Variants in SEMA6D observed in about 807,000 individuals in gnomAD.
SEMA6D encodes the protein semaphorin 6D.
Under a neutral mutation model 106.6 loss-of-function variants are expected in SEMA6D, and 35 were observed. The ratio of observed to expected loss-of-function variants is 0.33; its 90% CI spans 0.25 to 0.44. The LOEUF is 0.44. Ranked by LOEUF, SEMA6D falls within the 20% of genes least tolerant of loss-of-function variation. The probability of loss-of-function intolerance (pLI) is 1.00; values close to 1 mark genes in which losing one functional copy is unlikely to be tolerated. For synonymous variants in SEMA6D, 499 were observed against 487.7 expected, an observed-to-expected ratio of 1.02 and a Z score of -0.31; for missense variants, 1,185 against 1,345.9, an observed-to-expected ratio of 0.88 and a Z score of 1.87.
At chr15:47,603,188 A>G (rs1034000400) in intron 4 of SEMA6D, among the ~76,000 whole-genome samples, 2 of 152,060 alleles carry the variant, frequency 1.3e-5, no homozygotes, top group Non-Finnish European at 2.9e-5. Flanking sequence ...AGAATTTGCA[A>G]TCTGATGTCA....
intron 1 of SEMA6D, among the ~76,000 whole-genome samples, chr15:47,316,021 A>G (rs1489622421): frequency 1.5e-5 from 2 of 137,854 alleles, no homozygotes; most frequent in South Asian, 2.3e-4. Context: ...ACTCTTTTGG[A>G]TTTTCTACAT....
chr15:47,747,743 A>C (rs1318176411), intron 1 of SEMA6D, among the ~76,000 whole-genome samples: 1 of 152,146 alleles, frequency 6.6e-6, no homozygotes, highest in Non-Finnish European at 1.5e-5. Flanking sequence ...GTAAGATCAG[A>C]TCTTACAAAT....
chr15:47,607,985 G>A (rs944254623), intron 4 of SEMA6D, among the ~76,000 whole-genome samples: 22 of 152,148 alleles, frequency 1.4e-4, no homozygotes, highest in African/African-American at 5.3e-4. Flanking sequence ...TGCACTGTCT[G>A]TTATAACTGT....
rs71432251 is a variant in SEMA6D, at chr15:47,772,357, C to CGTGT, written c.*603_*606dup. 6,542 of 141,566 alleles carry CGTGT rather than the reference C, an allele frequency of 0.046. 216 individuals are homozygous for CGTGT. Among genetic ancestry groups the CGTGT allele is most frequent in the East Asian group, 0.077 (371 of 4,818 alleles). 8.8% of individuals were successfully genotyped at this position (141,566 alleles called of 1,614,324 possible). On this transcript the variant is annotated 3_prime_UTR_variant, in exon 19 of 19. Coordinates refer to ENST00000536845, the MANE Select transcript of SEMA6D (RefSeq NM_001358351.3). ...CACCAACAAACTTGTTGTGTGTGTGCGTGTGTGTGTGTGTGTGTGTGTGTG... is the reference window on the plus strand; with the variant it reads ...CACCAACAAACTTGTTGTGTGTGTGCGTGTGTGTGTGTGTGTGTGTGTGTGTGTG...
At chr15:47,357,590 G>C (rs1270775510) in intron 1 of SEMA6D, among the ~76,000 whole-genome samples, 2 of 152,096 alleles carry the variant, frequency 1.3e-5, no homozygotes, top group Non-Finnish European at 2.9e-5. Flanking sequence ...ACGGGAGAAA[G>C]GTGTAGGATG....
At chr15:47,720,364 G>T (rs2079355927) in intron 1 of SEMA6D, among the ~76,000 whole-genome samples, 1 of 139,824 alleles carries the variant, frequency 7.2e-6, no homozygotes, top group African/African-American at 2.6e-5. Flanking sequence ...ACTTGAGTTT[G>T]ATTTAGATTT....
At chr15:47,429,474 G>A (rs1401425518) in intron 2 of SEMA6D, among the ~76,000 whole-genome samples, 1 of 152,106 alleles carries the variant, frequency 6.6e-6, no homozygotes, top group Non-Finnish European at 1.5e-5. Context: ...GGAGTAAATT[G>A]CTAAGAGGGA....
rs1054665688 is a variant in SEMA6D, at chr15:47,275,407, G to A, written c.-239+90989G>A. ...TTTTTTACAAATTGAGGGCAACTCTGTGTTGAACAAGTTTATCAGTGCAAT... is the reference window on the plus strand; with the variant it reads ...TTTTTTACAAATTGAGGGCAACTCTATGTTGAACAAGTTTATCAGTGCAAT... On this transcript the variant is annotated intron_variant, in intron 1 of 19. Coordinates refer to the SEMA6D transcript ENST00000558014. Among the ~76,000 whole-genome samples the A allele has an allele frequency of 2.6e-5, 4 of 152,054 alleles. No homozygotes were observed. In the East Asian group the frequency reaches 7.7e-4, roughly 29 times the overall value.
intron 1 of SEMA6D, among the ~76,000 whole-genome samples, chr15:47,286,646 A>T (rs766071107): frequency 2.6e-5 from 4 of 152,138 alleles, no homozygotes; most frequent in Non-Finnish European, 5.9e-5. Context: ...TGTGAAGTAC[A>T]TAAAATTTGG....
chr15:47,341,861 A>G (rs1194813102), intron 1 of SEMA6D, among the ~76,000 whole-genome samples: 2 of 152,052 alleles, frequency 1.3e-5, no homozygotes, highest in Non-Finnish European at 2.9e-5. Context: ...GCTCATTTTT[A>G]GTTTGCCTCC....
At chr15:47,227,921 T>C (rs1341644705) in intron 1 of SEMA6D, among the ~76,000 whole-genome samples, 1 of 131,456 alleles carries the variant, frequency 7.6e-6, no homozygotes, top group Non-Finnish European at 1.5e-5. Context: ...ATATATATTT[T>C]ATATATATAA....
At chr15:47,277,002 T>A (rs1380604570) in intron 1 of SEMA6D, among the ~76,000 whole-genome samples, 1 of 152,090 alleles carries the variant, frequency 6.6e-6, no homozygotes, top group Non-Finnish European at 1.5e-5. Context: ...GGGTTAATAC[T>A]TCAGTGGAGG....
chr15:47,343,643 A>G (rs1270076752), intron 1 of SEMA6D, among the ~76,000 whole-genome samples: 2 of 152,034 alleles, frequency 1.3e-5, no homozygotes. Flanking sequence ...CATTTTCTTA[A>G]TCCAGTCTAT....
At chr15:47,718,834 C>T (rs1019237432) in intron 1 of SEMA6D, 59 of 152,362 alleles carry the variant, frequency 3.9e-4, no homozygotes, top group African/African-American at 1.1e-3. Context: ...AGCCGCCGCT[C>T]GCGCCGGCAG....
At chr15:47,485,997 G>A (rs2043285841) in intron 3 of SEMA6D, among the ~76,000 whole-genome samples, 1 of 152,114 alleles carries the variant, frequency 6.6e-6, no homozygotes, top group Admixed American at 6.6e-5. Context: ...ACTAAGCTAG[G>A]GCAATAGGGC....
chr15:47,353,707 C>T (rs759581536), intron 1 of SEMA6D, among the ~76,000 whole-genome samples: 10 of 152,060 alleles, frequency 6.6e-5, no homozygotes, highest in Non-Finnish European at 1.2e-4. Flanking sequence ...TCTTTGAGTC[C>T]ACCACAGCTC....
intron 1 of SEMA6D, among the ~76,000 whole-genome samples, chr15:47,195,814 A>G (rs1470893465): frequency 1.3e-5 from 2 of 152,126 alleles, no homozygotes; most frequent in African/African-American, 2.4e-5. Context: ...GGTGGACACG[A>G]TGTCTTGTTG....
chr15:47,474,300 G>A (rs1049444454), intron 3 of SEMA6D, among the ~76,000 whole-genome samples: 1 of 152,160 alleles, frequency 6.6e-6, no homozygotes, highest in Non-Finnish European at 1.5e-5. Flanking sequence ...TTAGCCAGAG[G>A]CCTCTCTCCT....
At chr15:47,427,053 A>G (rs1365882644) in intron 2 of SEMA6D, among the ~76,000 whole-genome samples, 1 of 152,200 alleles carries the variant, frequency 6.6e-6, no homozygotes, top group Non-Finnish European at 1.5e-5. Flanking sequence ...GGGTGTTATA[A>G]GACGTATTTG....
Sources: gnomAD v4.1 joint callset for allele counts (sites outside exome capture counted in the v4.1 genomes callset) on GRCh38, gnomAD v4.1.1 for gene constraint, MANE v1.5 for transcripts, NCBI Gene and HGNC (gene_info 2026-07-23, HGNC 2026-07-21) for gene names.